Variants in SEMA3C observed in about 807,000 individuals in gnomAD.
SEMA3C encodes the protein semaphorin-3C.
Under a neutral mutation model 89.4 loss-of-function variants are expected in SEMA3C, and 47 were observed. The observed-to-expected ratio is 0.53, with a 90% CI of 0.42 to 0.67. The LOEUF is 0.67. Ranked by LOEUF, SEMA3C falls within the 30% of genes least tolerant of loss-of-function variation. The pLI, the probability that SEMA3C is intolerant of heterozygous loss-of-function variation, is 0.00. For synonymous variants in SEMA3C, 310 were observed against 320.2 expected (o/e 0.97, Z 0.34); for missense variants, 839 against 929.1 (o/e 0.90, Z 1.26).
chr7:80,782,554 G>C (rs1023975767), intron 12 of SEMA3C, among the ~76,000 whole-genome samples: 7 of 152,144 alleles, frequency 4.6e-5, no homozygotes, highest in Admixed American at 1.3e-4. Context: ...AAAATGTGAA[G>C]AGAATAAATG....
intron 2 of SEMA3C, among the ~76,000 whole-genome samples, chr7:80,836,277 C>T (rs181223382): frequency 6.6e-6 from 1 of 152,232 alleles, no homozygotes; most frequent in East Asian, 1.9e-4. Flanking sequence ...CAGAAGGTTC[C>T]CCTTTTCTTT....
rs1397010093 is a variant in SEMA3C at position 80,919,049 on chromosome 7, A to G, written c.-260T>C. 2 of 985,186 alleles carry G rather than the reference A, an allele frequency of 2.0e-6. No individual in the cohort carries two copies. Among genetic ancestry groups the G allele is most frequent in the Non-Finnish European group, 2.4e-6 (2 of 829,842 alleles). The allele number at this position is 985,186 out of a possible 1,614,324, so 61.0% of individuals were successfully genotyped here. A position where few individuals can be genotyped will look rare whatever the true frequency, so the allele number is the denominator to read the frequency against. ...CGCGTCGCTCAATCAAGCACCTCGG[A>G]GTGAATGGAAAGTGGCCGGAGGCCG... On this transcript the variant is annotated 5_prime_UTR_variant, in exon 1 of 18. Coordinates refer to ENST00000265361, the MANE Select transcript of SEMA3C (RefSeq NM_006379.5).
rs773753321 is a variant in SEMA3C at position 80,802,771 on chromosome 7, A to G, written c.810T>C (p.Thr270=). The G allele has an allele frequency of 1.2e-6, 2 of 1,610,898 alleles. No homozygotes were observed. The highest frequency in any genetic ancestry group is 1.3e-5 in the African/African-American group (1 of 74,986). The change falls in exon 9 of 18, where the codon ACT becomes ACC. Residue 270 remains threonine, a synonymous_variant. Transcript: ENST00000265361. ...SMIARICPND[T]GGLRSLVNKW... ...TGTTGACAAGGCTACGCAGTCCACC[A>G]GTGTCATTCTAAAACCATTTTGTAA...
At chr7:80,794,913 G>C (rs1789025800) in intron 11 of SEMA3C, among the ~76,000 whole-genome samples, 1 of 152,098 alleles carries the variant, frequency 6.6e-6, no homozygotes, top group Non-Finnish European at 1.5e-5. Flanking sequence ...TTGCTGGTGG[G>C]GTCGTTTGCT....
intron 2 of SEMA3C, among the ~76,000 whole-genome samples, chr7:80,886,116 A>C (rs1791468863): frequency 6.6e-6 from 1 of 152,210 alleles, no homozygotes; most frequent in African/African-American, 2.4e-5. Flanking sequence ...GTTAATTACT[A>C]GTGAATGCAT....
At chr7:80,762,352 C>T (rs374133646) in intron 13 of SEMA3C, among the ~76,000 whole-genome samples, 15 of 151,938 alleles carry the variant, frequency 9.9e-5, no homozygotes, top group African/African-American at 3.1e-4. Flanking sequence ...TTAGGCTGAA[C>T]CATACTAGTT....
intron 2 of SEMA3C, among the ~76,000 whole-genome samples, chr7:80,852,468 A>G (rs574750823): frequency 2.0e-5 from 3 of 152,302 alleles, no homozygotes; most frequent in East Asian, 3.9e-4. Context: ...ATGAGCACTA[A>G]GCAAAAACGG....
Position 80,817,333 on chromosome 7 carries a change from A to C in SEMA3C, c.447+966T>G, listed in dbSNP as rs191937117. On this transcript the variant is annotated intron_variant, in intron 5 of 17. Coordinates refer to ENST00000265361, the MANE Select transcript of SEMA3C (RefSeq NM_006379.5). ...CTTGTTAAAGGAAAATAAGCTTTAG[A>C]TCAGTAGACATATTTATTTTTTTCA... Among the ~76,000 whole-genome samples the C allele has an allele frequency of 3.3e-5, 5 of 152,292 alleles. No homozygotes were observed. The East Asian group carries it at 7.7e-4, about 23-fold the overall frequency.
At position 80,754,334 on chromosome 7, in the gene SEMA3C, T is replaced by G. The variant is rs1788006327; in HGVS notation, c.1644-2998A>C. ...TATGGATTCCACCAATTTCCAAGTA[T>G]AACTGTATTTCTCTGTTTGTACACA... is the stretch of plus-strand genomic sequence containing the variant. On this transcript the variant is annotated intron_variant, in intron 15 of 17. Transcript: ENST00000265361. Among the ~76,000 whole-genome samples the G allele has an allele frequency of 2.0e-5, 3 of 152,214 alleles. No individual in the cohort carries two copies. In the South Asian group the frequency reaches 6.2e-4, roughly 31 times the overall value.
At chr7:80,761,120 C>CT (rs35725785) in intron 14 of SEMA3C, among the ~76,000 whole-genome samples, 15 of 151,772 alleles carry the variant, frequency 9.9e-5, no homozygotes, top group South Asian at 6.2e-4. Flanking sequence ...TGAGACTTTT[C>CT]TTTTTTTTGA....
At chr7:80,760,253 A>C (rs1173675126) in intron 14 of SEMA3C, among the ~76,000 whole-genome samples, 1 of 152,238 alleles carries the variant, frequency 6.6e-6, no homozygotes, top group East Asian at 1.9e-4. Flanking sequence ...GACGTTGAAG[A>C]CAGATGTAAT....
chr7:80,893,025 C>T (rs1344838967), intron 2 of SEMA3C, among the ~76,000 whole-genome samples: 2 of 152,106 alleles, frequency 1.3e-5, no homozygotes, highest in African/African-American at 4.8e-5. Context: ...CTTCATAAAA[C>T]CTCTTGTCCT....
intron 2 of SEMA3C, among the ~76,000 whole-genome samples, chr7:80,836,621 A>G (rs1790135335): frequency 6.6e-6 from 1 of 152,146 alleles, no homozygotes; most frequent in African/African-American, 2.4e-5. Context: ...GAGATTGCAG[A>G]GAGCAGAGAT....
chr7:80,858,840 A>G (rs539348390), intron 2 of SEMA3C, among the ~76,000 whole-genome samples: 1 of 152,200 alleles, frequency 6.6e-6, no homozygotes, highest in Non-Finnish European at 1.5e-5. Context: ...AAATAGAGCA[A>G]GTATGAATTC....
At chr7:80,829,887 C>T (rs1284942203) in intron 2 of SEMA3C, among the ~76,000 whole-genome samples, 4 of 152,192 alleles carry the variant, frequency 2.6e-5, no homozygotes, top group Non-Finnish European at 5.9e-5. Context: ...AAGAAAGAGT[C>T]TGCTTTCTGG....
chr7:80,874,447 GTTATTTATTTAT>G (rs56316322), intron 2 of SEMA3C, among the ~76,000 whole-genome samples: 12 of 146,616 alleles, frequency 8.2e-5, no homozygotes, highest in South Asian at 4.4e-4. Flanking sequence ...ACCATAGCAA[GTTATTTATTTAT>G]TTATTTATTT....
chr7:80,750,473 T>TATATATATATATACACACACAC (rs869227686), intron 16 of SEMA3C, among the ~76,000 whole-genome samples: 6 of 55,444 alleles, frequency 1.1e-4, no homozygotes, highest in Admixed American at 2.2e-4. Context: ...TATATATATA[T>TATATATATATATACACACACAC]ACACACACAC....
At chr7:80,800,063 G>C (rs1172768034) in intron 10 of SEMA3C, among the ~76,000 whole-genome samples, 3 of 147,362 alleles carry the variant, frequency 2.0e-5, no homozygotes, top group African/African-American at 5.0e-5. Flanking sequence ...TGAGGCAGGA[G>C]AACGGCATGA....
At chr7:80,763,395 C>T (rs541121681) in intron 13 of SEMA3C, among the ~76,000 whole-genome samples, 3 of 152,296 alleles carry the variant, frequency 2.0e-5, no homozygotes, top group African/African-American at 7.2e-5. Context: ...TATTCAGTAA[C>T]TGTGTTTCCT....
Sources: allele counts gnomAD v4.1 joint callset (sites outside exome capture counted in the v4.1 genomes callset), GRCh38; gene constraint gnomAD v4.1.1; transcripts MANE v1.5; gene names NCBI Gene and HGNC (gene_info 2026-07-23, HGNC 2026-07-21).